The following SOX6 variants were observed in gnomAD, a reference collection of about 807,000 sequenced individuals.
The protein encoded by SOX6 is SRY-box transcription factor 6.
A neutral mutation model predicts 97.8 loss-of-function variants in SOX6; 11 were observed. The observed-to-expected ratio is 0.11, with a 90% confidence interval of 0.07 to 0.19. The LOEUF (loss-of-function observed/expected upper bound fraction) is 0.19, where lower values mean the gene tolerates loss of function less well. Among genes scored for constraint, SOX6 ranks in the 10% least tolerant of loss-of-function variants. The pLI, the probability that SOX6 is intolerant of heterozygous loss-of-function variation, is 1.00. For synonymous variants in SOX6, 360 were observed against 371.4 expected, an observed-to-expected ratio of 0.97 and a Z score of 0.35; for missense variants, 810 against 1,039.5, an observed-to-expected ratio of 0.78 and a Z score of 3.04.
At chr11:16,322,879 T>C (rs550179048) in intron 2 of SOX6, among the ~76,000 whole-genome samples, 2 of 152,356 alleles carry the variant, frequency 1.3e-5, no homozygotes, top group South Asian at 2.1e-4. Flanking sequence ...AAGCTGGTTG[T>C]GATTCTTCAA....
rs1848318423 is a variant in SOX6 at position 16,605,071 on chromosome 11, C to A, written n.609+7010G>T. 6.6e-6 allele frequency among the ~76,000 whole-genome samples: 1 copy of A among 151,990 alleles called. No homozygotes were observed. Among genetic ancestry groups the A allele is most frequent in the Non-Finnish European group, 1.5e-5 (1 of 67,970 alleles). On this transcript the variant is annotated intron_variant and non_coding_transcript_variant, in intron 4 of 5. Coordinates refer to the SOX6 transcript ENST00000524520. This position sits in a 1 kb window ranked among gnomAD's most constrained non-coding sequence, Gnocchi z 5.3. Reference sequence around the variant, plus strand: ...AGGAAGAAAGCAGCTCCCGCGGGAGCGGCCGGGCTCGGGCTGGGTCCCGGG... The same window carrying A: ...AGGAAGAAAGCAGCTCCCGCGGGAGAGGCCGGGCTCGGGCTGGGTCCCGGG...
At chr11:16,428,494 A>AT (rs1859200548) in intron 1 of SOX6, among the ~76,000 whole-genome samples, 1 of 152,160 alleles carries the variant, frequency 6.6e-6, no homozygotes, top group Admixed American at 6.5e-5. Flanking sequence ...TCTTGAATTA[A>AT]TTTTTATATA....
At chr11:16,162,229 T>G (rs1013888414) in intron 6 of SOX6, among the ~76,000 whole-genome samples, 3 of 152,192 alleles carry the variant, frequency 2.0e-5, no homozygotes, top group African/African-American at 7.2e-5. Flanking sequence ...TTCAGAATAT[T>G]AAGATATCCA....
chr11:16,081,109 TTTTTAAAAA>T (rs1848463703), intron 9 of SOX6, among the ~76,000 whole-genome samples: 1 of 152,010 alleles, frequency 6.6e-6, no homozygotes, highest in South Asian at 2.1e-4. Context: ...TAATAATAAT[TTTTTAAAAA>T]TCTAGCAGAA....
chr11:16,212,799 C>T (rs1852266093), intron 4 of SOX6, among the ~76,000 whole-genome samples: 1 of 152,010 alleles, frequency 6.6e-6, no homozygotes, highest in Non-Finnish European at 1.5e-5. Context: ...TTTGCATTTC[C>T]CTATTCTTCA....
At chr11:16,426,580 G>A (rs148776208) in intron 1 of SOX6, among the ~76,000 whole-genome samples, 51 of 152,184 alleles carry the variant, frequency 3.4e-4, no homozygotes, top group African/African-American at 1.2e-3. Flanking sequence ...TCAATAAATG[G>A]TGCTGGCATA....
chr11:16,516,471 C>A (rs1387570685), intron 4 of SOX6, among the ~76,000 whole-genome samples: 2 of 151,662 alleles, frequency 1.3e-5, no homozygotes, highest in Admixed American at 1.3e-4. Flanking sequence ...ATCAAATAGA[C>A]GCAATAAAAA....
chr11:16,060,838 T>A (rs1426687449), intron 9 of SOX6, among the ~76,000 whole-genome samples: 1 of 151,884 alleles, frequency 6.6e-6, no homozygotes, highest in Non-Finnish European at 1.5e-5. Flanking sequence ...TTAAACTTCA[T>A]GTGTAATTAT....
chr11:16,207,610 T>A (rs114276961), intron 4 of SOX6, among the ~76,000 whole-genome samples: 8,708 of 147,792 alleles, frequency 0.059, 640 homozygotes, highest in East Asian at 0.37. Context: ...AAAAAAAAAG[T>A]AAAGAACAAA....
intron 13 of SOX6, among the ~76,000 whole-genome samples, chr11:16,009,351 T>C (rs1252298404): frequency 6.6e-6 from 1 of 152,076 alleles, no homozygotes; most frequent in Non-Finnish European, 1.5e-5. Context: ...AACTTCCTCA[T>C]TGACAGATGA....
chr11:16,055,942 A>T, intron 9 of SOX6, 41 bp from the exon 10 acceptor site: 1 of 1,608,928 alleles, frequency 6.2e-7, no homozygotes, highest in Non-Finnish European at 8.5e-7. Flanking sequence ...CTTTAAATGC[A>T]GCTGAAATTG....
intron 1 of SOX6, among the ~76,000 whole-genome samples, chr11:16,388,924 T>C (rs936227103): frequency 7.2e-5 from 11 of 152,204 alleles, no homozygotes; most frequent in Non-Finnish European, 1.5e-4. Context: ...ATTTGGGAAA[T>C]TGATGGCATT....
At chr11:16,494,005 A>G (rs1860553741) in intron 4 of SOX6, among the ~76,000 whole-genome samples, 1 of 152,316 alleles carries the variant, frequency 6.6e-6, no homozygotes, top group East Asian at 1.9e-4. Flanking sequence ...TATTAGAACC[A>G]ATCAAAAAGT....
intron 1 of SOX6, among the ~76,000 whole-genome samples, chr11:16,437,455 G>A (rs959963923): frequency 2.6e-5 from 4 of 152,150 alleles, no homozygotes; most frequent in Non-Finnish European, 5.9e-5. Flanking sequence ...GTACCTAAAA[G>A]AGAACCTTAT....
rs796243807 is a variant in SOX6, at chr11:16,351,943, C to T, written c.-5+4151G>A. Among the ~76,000 whole-genome samples, 5 of 152,048 alleles carry T rather than the reference C, an allele frequency of 3.3e-5. No homozygotes were observed. The South Asian group carries it at 1.0e-3, about 32-fold the overall frequency. On this transcript the variant is annotated intron_variant, in intron 1 of 15. Transcript: ENST00000683767. ...AGCTTTCTCTGCATTCCCACAATAC[C>T]TAGAACAATGTTTTGTGAAAAGAAA...
intron 3 of SOX6, among the ~76,000 whole-genome samples, chr11:16,678,622 G>C (rs139105706): frequency 4.6e-5 from 7 of 152,298 alleles, no homozygotes; most frequent in Non-Finnish European, 1.0e-4. Context: ...ACAACCCAAG[G>C]ATGGCAAGCT....
chr11:16,112,949 C>G (rs949232616), intron 6 of SOX6, among the ~76,000 whole-genome samples: 1 of 152,112 alleles, frequency 6.6e-6, no homozygotes, highest in African/African-American at 2.4e-5. Context: ...GGGTATTTAG[C>G]CTTTTCACTG....
intron 4 of SOX6, among the ~76,000 whole-genome samples, chr11:16,232,969 G>A (rs906571878): frequency 2.6e-5 from 4 of 151,910 alleles, no homozygotes; most frequent in African/African-American, 9.7e-5. Flanking sequence ...AATTTCCACT[G>A]GTTTCGATAC....
In SOX6 at chr11:16,262,603, T is replaced by C. The variant is rs1414469845; in HGVS notation, c.446-27932A>G. Among the ~76,000 whole-genome samples, 54 of 152,094 alleles carry C rather than the reference T, an allele frequency of 3.6e-4. 1 individual carries two copies. The highest frequency in any genetic ancestry group is 2.4e-5 in the African/African-American group (1 of 41,446). Reference sequence around the variant, plus strand: ...CAATAAACTGTCACAAGGGTGATAGTATCTGTAGCTGTGCTATCCTTAGAG... The same window carrying C: ...CAATAAACTGTCACAAGGGTGATAGCATCTGTAGCTGTGCTATCCTTAGAG... On this transcript the variant is annotated intron_variant, in intron 3 of 15. Coordinates refer to ENST00000683767, the MANE Select transcript of SOX6 (RefSeq NM_001367873.1).
Sources: gnomAD v4.1 joint callset for allele counts (sites outside exome capture counted in the v4.1 genomes callset) on GRCh38, gnomAD v4.1.1 for gene constraint, Gnocchi (gnomAD v3.1) non-coding constraint, MANE v1.5 for transcripts, NCBI Gene and HGNC (gene_info 2026-07-23, HGNC 2026-07-21) for gene names.